ALAD: variants seen among roughly 807,000 people sequenced by gnomAD.
ALAD encodes aminolevulinate dehydratase.
ALAD carries 20 observed loss-of-function variants against 44.4 expected under a neutral mutation model. The ratio of observed to expected loss-of-function variants is 0.45; its 90% CI spans 0.32 to 0.65. The LOEUF (loss-of-function observed/expected upper bound fraction) is 0.65. ALAD is among the 30% of genes least tolerant of loss of function. The probability of loss-of-function intolerance (pLI) is 0.05; values close to 1 mark genes in which losing one functional copy is unlikely to be tolerated. For synonymous variants in ALAD, 156 were observed against 167.9 expected, an observed-to-expected ratio of 0.93 and a Z score of 0.55; for missense variants, 323 against 445.7, an observed-to-expected ratio of 0.72 and a Z score of 2.48.
rs1303511891 is a variant in ALAD at position 113,386,774 on chromosome 9, A to G, written c.*1526T>C. 1 of 152,120 alleles carries G rather than the reference A, an allele frequency of 6.6e-6. No individual in the cohort carries two copies. Among genetic ancestry groups the G allele is most frequent in the Admixed American group, 6.6e-5 (1 of 15,248 alleles). The allele number at this position is 152,120 out of a possible 1,614,324, so 9.4% of individuals were successfully genotyped here. On this transcript the variant is annotated 3_prime_UTR_variant, in exon 12 of 12. Transcript: ENST00000409155. ...TGAGTCACATAAGCACTCTAGATAT[A>G]GCTTCCTTATTGCAAAATGTCTCAA...
Position 113,389,124 on chromosome 9 carries a change from G to A in ALAD, c.802-18C>T, listed in dbSNP as rs772389560. 1.7e-5 allele frequency: 27 copies of A among 1,613,742 alleles called. No homozygotes were observed. The highest frequency in any genetic ancestry group is 7.7e-5 in the South Asian group (7 of 91,070). ...TCAGGGTGCTGCAGGGAAGCAGACA[G>A]GGAGACAGGCTGAAATGGAGGGTGG... On this transcript the variant is annotated intron_variant, in intron 10 of 11. Coordinates refer to ENST00000409155, the MANE Select transcript of ALAD (RefSeq NM_000031.6).
intron 8 of ALAD, 28 bp from the exon 9 acceptor site, chr9:113,389,714 T>C (rs1259887269): frequency 6.2e-7 from 1 of 1,614,020 alleles, no homozygotes; most frequent in Non-Finnish European, 8.5e-7. Context: ...CAGGGTGGGC[T>C]CCAGCTTTGG....
chr9:113,389,606 C>G lies in ALAD; in HGVS notation c.707G>C (p.Arg236Pro). The stretch of plus-strand genomic sequence containing the variant: ...CAAGTCCTAGTCACTCACCACAGCT[C>G]GGAGAGCCAGGCCTCGTGCTCCAGG... ...LPPGARGLAL[R>P]AVDRDVREGA... The change falls in exon 9 of 12, where the codon CGA (arginine) becomes CCA (proline). Residue 236 changes from arginine to proline, a missense_variant. Arg to Pro is a moderately radical substitution (Grantham distance 103, BLOSUM62 -2). Transcript: ENST00000409155. The G allele has an allele frequency of 6.2e-7, 1 of 1,614,160 alleles. No individual in the cohort carries two copies. The highest frequency in any genetic ancestry group is 1.3e-5 in the African/African-American group (1 of 75,064).
Position 113,391,643 on chromosome 9 carries a change from GGGGTTGAA to G in ALAD, c.165-28_165-21del. The G allele has an allele frequency of 6.2e-7, 1 of 1,602,614 alleles. No homozygotes were observed. The highest frequency in any genetic ancestry group is 8.5e-7 in the Non-Finnish European group (1 of 1,169,682). On this transcript the variant is annotated intron_variant, in intron 3 of 11. Transcript: ENST00000409155. ...CCATACCTGTGTGGGTGTGGGTAGA[GGGGTTGAA>G]GGAAGGCAGGTCCCAGGCAACGGTC...
intron 7 of ALAD, among the ~76,000 whole-genome samples, chr9:113,390,171 G>A (rs576304192): frequency 6.6e-6 from 1 of 152,244 alleles, no homozygotes; most frequent in East Asian, 1.9e-4. Context: ...ACAGGCGCCT[G>A]CCACCACGCC....
chr9:113,388,407 G>C, intron 11 of ALAD, 46 bp from the exon 12 acceptor site: 1 of 1,579,512 alleles, frequency 6.3e-7, no homozygotes, highest in Non-Finnish European at 8.7e-7. Flanking sequence ...ACGCTGATCA[G>C]CTCTGAGCAC....
At chr9:113,400,748 GGA>G (rs1827831702) in intron 1 of ALAD, among the ~76,000 whole-genome samples, 1 of 152,204 alleles carries the variant, frequency 6.6e-6, no homozygotes, top group African/African-American at 2.4e-5. Context: ...CTTGAACCCG[GGA>G]GGCGGAGGTT....
intron 4 of ALAD, 149 bp downstream of exon 4, chr9:113,391,378 T>C: frequency 1.4e-6 from 1 of 739,888 alleles, no homozygotes. Flanking sequence ...CTAACTTTTG[T>C]ATTTTTTGTA....
At chr9:113,400,755 G>A (rs1827831971) in intron 1 of ALAD, among the ~76,000 whole-genome samples, 1 of 152,200 alleles carries the variant, frequency 6.6e-6, no homozygotes, top group Non-Finnish European at 1.5e-5. Context: ...CCGGGAGGCG[G>A]AGGTTGCAGT....
chr9:113,390,353 G>T, intron 7 of ALAD, 52 bp downstream of exon 7: 3 of 1,572,230 alleles, frequency 1.9e-6, no homozygotes, highest in Non-Finnish European at 2.6e-6. Flanking sequence ...ACGGGGGCAG[G>T]GCTGGTGCAG....
chr9:113,393,639 G>A lies in ALAD; in HGVS notation c.-75-5C>T, dbSNP rs1161226579. Reference sequence around the variant, plus strand: ...GGCATTGGCTGCAGGCTCTGTCTGTGGGGGGTGATGGGTGGCACATGAGAC... The same window carrying A: ...GGCATTGGCTGCAGGCTCTGTCTGTAGGGGGTGATGGGTGGCACATGAGAC... On this transcript the variant is annotated splice_polypyrimidine_tract_variant and splice_region_variant and intron_variant, in intron 1 of 11. Transcript: ENST00000409155. 8.8e-7 allele frequency: 1 copy of A among 1,138,350 alleles called. No individual in the cohort carries two copies. The highest frequency in any genetic ancestry group is 1.3e-6 in the Non-Finnish European group (1 of 752,312). The allele number at this position is 1,138,350 out of a possible 1,614,324, so 70.5% of individuals were successfully genotyped here. A position where few individuals can be genotyped will look rare whatever the true frequency, so the allele number is the denominator to read the frequency against.
intron 1 of ALAD, among the ~76,000 whole-genome samples, chr9:113,395,139 T>G (rs1248102637): frequency 4.0e-5 from 6 of 151,462 alleles, no homozygotes; most frequent in African/African-American, 1.2e-4. Flanking sequence ...TAGGAGAAAA[T>G]AGTACCATTC....
rs553716495 is a variant in ALAD, at chr9:113,393,296, C to A, written c.113+151G>T. ...TGTTCCTAAGATTCCTGTCCTTAAT[C>A]CAAGTAGCCTGCTTCCAGTGCCTTG... On this transcript the variant is annotated intron_variant, in intron 2 of 11. Transcript: ENST00000409155. The A allele has an allele frequency of 1.2e-4, 88 of 704,346 alleles. No homozygotes were observed. The South Asian group carries it at 1.4e-3, about 11-fold the overall frequency. The allele number at this position is 704,346 out of a possible 1,614,324, so 43.6% of individuals were successfully genotyped here. A position where few individuals can be genotyped will look rare whatever the true frequency, so the allele number is the denominator to read the frequency against.
chr9:113,401,124 G>T (rs1588090029), intron 1 of ALAD, 88 bp downstream of exon 1: 1 of 152,396 alleles, frequency 6.6e-6, no homozygotes, highest in Admixed American at 6.5e-5. Context: ...ACAATCTGGG[G>T]ACGCAGGACT....
chr9:113,390,834 C>T lies in ALAD; in HGVS notation c.361G>A (p.Val121Ile). The stretch of plus-strand genomic sequence containing the variant: ...TGGGAGGTGTAGGGACACAGGCAGA[C>T]ATCACAGGCCACCAGGAGGTTGGGG... The part of the protein sequence containing the change: ...TFPNLLVACD[V>I]CLCPYTSHGH... The change falls in exon 5 of 12, where the codon GTC (valine) becomes ATC (isoleucine). Residue 121 changes from valine to isoleucine, a missense_variant. By Grantham distance (29) the Val-to-Ile change is conservative. Transcript: ENST00000409155. The T allele has an allele frequency of 1.2e-6, 2 of 1,613,536 alleles. No individual in the cohort carries two copies. Among genetic ancestry groups the T allele is most frequent in the South Asian group, 1.1e-5 (1 of 90,956 alleles).
chr9:113,392,021 A>G, intron 3 of ALAD, 98 bp downstream of exon 3: 1 of 1,215,294 alleles, frequency 8.2e-7, no homozygotes, highest in Non-Finnish European at 1.2e-6. Flanking sequence ...GTCTGTCCGC[A>G]TCTTCTACTT....
chr9:113,392,938 C>CTCCCAAGTA (rs1227027677), intron 2 of ALAD, among the ~76,000 whole-genome samples: 31 of 151,954 alleles, frequency 2.0e-4, no homozygotes, highest in African/African-American at 7.5e-4. Context: ...CTGCCTCAGC[C>CTCCCAAGTA]TCCCAAGTAG....
chr9:113,388,191 AGAGGGCAT>A lies in ALAD; in HGVS notation c.*101_*108del, dbSNP rs1314452930. 1.9e-5 allele frequency: 22 copies of A among 1,185,724 alleles called. 1 individual carries two copies. The highest frequency in any genetic ancestry group is 9.4e-5 in the East Asian group (4 of 42,528). 73.5% of individuals were successfully genotyped at this position (1,185,724 alleles called of 1,614,324 possible). A position where few individuals can be genotyped will look rare whatever the true frequency, so the allele number is the denominator to read the frequency against. Reference sequence around the variant, plus strand: ...GGGCCCCGCTAGCATGTGAGCAGGAAGAGGGCATGAGGGCACAGTTCTAAAAGCAGCAT... The same window carrying A: ...GGGCCCCGCTAGCATGTGAGCAGGAAGAGGGCACAGTTCTAAAAGCAGCAT... On this transcript the variant is annotated 3_prime_UTR_variant, in exon 12 of 12. Transcript: ENST00000409155.
At position 113,389,909 on chromosome 9, in the gene ALAD, C is replaced by T. The variant is rs1282559508; in HGVS notation, c.571-81G>A. The T allele has an allele frequency of 5.8e-6, 9 of 1,554,650 alleles. No individual in the cohort carries two copies. The East Asian group carries it at 2.0e-4, about 35-fold the overall frequency. On this transcript the variant is annotated intron_variant, in intron 7 of 11. Coordinates refer to ENST00000409155, the MANE Select transcript of ALAD (RefSeq NM_000031.6). ...GTGATGTGGCAGGGAGAGAAAGAAC[C>T]TAGGCTGGGAAGGAGACTGCCTGTG...
Sources: allele counts gnomAD v4.1 joint callset (sites outside exome capture counted in the v4.1 genomes callset), GRCh38; gene constraint gnomAD v4.1.1; transcripts MANE v1.5; gene names NCBI Gene and HGNC (gene_info 2026-07-23, HGNC 2026-07-21).